ZER1: variants seen among roughly 807,000 people sequenced by gnomAD.
ZER1 encodes the protein protein zer-1 homolog.
Under a neutral mutation model 78.8 loss-of-function variants are expected in ZER1, and 11 were observed. The ratio of observed to expected loss-of-function variants is 0.14; its 90% CI spans 0.09 to 0.23. The LOEUF is 0.23. Ranked by LOEUF, ZER1 falls within the 10% of genes least tolerant of loss-of-function variation. ZER1 has a pLI of 1.00. For missense variants in ZER1, 588 were observed against 996.9 expected, an observed-to-expected ratio of 0.59 and a Z score of 5.52; for synonymous variants, 400 against 407.0, an observed-to-expected ratio of 0.98 and a Z score of 0.21.
At chr9:128,770,468 T>G (rs185266470) in intron 1 of ZER1, among the ~76,000 whole-genome samples, 1 of 152,252 alleles carries the variant, frequency 6.6e-6, no homozygotes, top group East Asian at 1.9e-4. Context: ...ACCTTTGCAT[T>G]TGCTGCGGAA....
chr9:128,759,991 C>T (rs921873882), intron 1 of ZER1, among the ~76,000 whole-genome samples: 1 of 151,752 alleles, frequency 6.6e-6, no homozygotes, highest in Non-Finnish European at 1.5e-5. Flanking sequence ...GCGATCCTCC[C>T]ACCTCAGCCT....
rs373236789 is a variant in ZER1 at position 128,731,294 on chromosome 9, C to T, written c.*43G>A. On this transcript the variant is annotated 3_prime_UTR_variant, in exon 16 of 16. Coordinates refer to ENST00000291900, the MANE Select transcript of ZER1 (RefSeq NM_006336.4). ...GGGCTGCTTGAGCATGCTTCCTCCC[C>T]GCCTGTGGTCCAGAGCGGTGGCGGC... 2.8e-5 allele frequency: 45 copies of T among 1,602,736 alleles called. No homozygotes were observed. The highest frequency in any genetic ancestry group is 3.3e-5 in the South Asian group (3 of 90,098).
At position 128,740,730 on chromosome 9, in the gene ZER1, G is replaced by C; in HGVS notation, c.1853+42C>G. ...AGCAAACGCTAGAGCTCTGAGCATT[G>C]TGGCAGCTAAGGCAAAAAGGGAAAG... is the stretch of plus-strand genomic sequence containing the variant. On this transcript the variant is annotated intron_variant, in intron 12 of 15. Transcript: ENST00000291900. This position sits in a 1 kb window ranked among gnomAD's most constrained non-coding sequence, Gnocchi z 4.4. The C allele has an allele frequency of 1.3e-6, 1 of 777,912 alleles. No individual in the cohort carries two copies. The highest frequency in any genetic ancestry group is 2.4e-6 in the Non-Finnish European group (1 of 416,316). The allele number at this position is 777,912 out of a possible 1,614,324, so 48.2% of individuals were successfully genotyped here. A position where few individuals can be genotyped will look rare whatever the true frequency, so the allele number is the denominator to read the frequency against.
At chr9:128,767,026 T>A (rs1357921908) in intron 1 of ZER1, among the ~76,000 whole-genome samples, 1 of 151,290 alleles carries the variant, frequency 6.6e-6, no homozygotes, top group East Asian at 2.0e-4. Flanking sequence ...CACTGCAGCC[T>A]CTGCCTCCTG....
Position 128,755,794 on chromosome 9 carries a change from CT to C in ZER1, c.-94-136del. The C allele has an allele frequency of 1.7e-6, 1 of 573,380 alleles. No homozygotes were observed. The highest frequency in any genetic ancestry group is 3.1e-6 in the Non-Finnish European group (1 of 327,718). 35.5% of individuals were successfully genotyped at this position (573,380 alleles called of 1,614,324 possible). On this transcript the variant is annotated intron_variant, in intron 1 of 15. Transcript: ENST00000291900. This position sits in a 1 kb window ranked among gnomAD's most constrained non-coding sequence, Gnocchi z 5.6. ...CTTAGCAGGGCCAGGCCCAGGTCTCCTGACTCCTTCTTTCACCCGCCTCTGC... is the reference window on the plus strand; with the variant it reads ...CTTAGCAGGGCCAGGCCCAGGTCTCCGACTCCTTCTTTCACCCGCCTCTGC...
Position 128,732,462 on chromosome 9 carries a change from TG to T in ZER1, c.2243+963del, listed in dbSNP as rs1862862483. On this transcript the variant is annotated intron_variant, in intron 15 of 15. Coordinates refer to ENST00000291900, the MANE Select transcript of ZER1 (RefSeq NM_006336.4). The surrounding 1 kb of genome is among the most constrained non-coding windows in gnomAD (Gnocchi z 4.8). ...TCGGCTCACTGCAACCTCTGCCTCC[TG>T]GATTCAAGTGATTCTCCTGCCTCAG... Among the ~76,000 whole-genome samples the T allele has an allele frequency of 6.6e-6, 1 of 152,228 alleles. No individual in the cohort carries two copies. Among genetic ancestry groups the T allele is most frequent in the Admixed American group, 6.5e-5 (1 of 15,276 alleles).
Position 128,755,475 on chromosome 9 carries a change from T to C in ZER1, c.91A>G (p.Lys31Glu), listed in dbSNP as rs200442490. ...TCCGGATGTAGCCGCAGGGTCTCCT[T>C]GTCCAGCAGGTAGCCCAGGGTGCCA... ...LDGTLGYLLD[K>E]ETLRLHPDIF... Residue 31 changes from lysine to glutamate, a missense_variant, in exon 2 of 16, where the codon AAG (lysine) becomes GAG (glutamate). Around this residue, in one of 3 missense-constraint regions of ZER1, gnomAD observed 406 missense variants for 660.1 expected, o/e 0.62. Transcript: ENST00000291900. This position sits in a 1 kb window ranked among gnomAD's most constrained non-coding sequence, Gnocchi z 5.6. The C allele has an allele frequency of 4.4e-5, 71 of 1,614,012 alleles. No individual in the cohort carries two copies. The highest frequency in any genetic ancestry group is 5.7e-5 in the Non-Finnish European group (67 of 1,179,996).
intron 8 of ZER1, among the ~76,000 whole-genome samples, chr9:128,743,080 C>G (rs1863358137): frequency 6.6e-6 from 1 of 152,098 alleles, no homozygotes; most frequent in African/African-American, 2.4e-5. Flanking sequence ...CTTCGACCCC[C>G]CTAGAGAGAA....
At chr9:128,743,813 C>T (rs1371607227) in intron 8 of ZER1, among the ~76,000 whole-genome samples, 2 of 150,880 alleles carry the variant, frequency 1.3e-5, no homozygotes, top group African/African-American at 4.9e-5. Flanking sequence ...TCACTGCAAC[C>T]TCCCCCTCCC....
intron 1 of ZER1, among the ~76,000 whole-genome samples, chr9:128,764,735 C>G (rs1864153108): frequency 6.6e-6 from 1 of 152,196 alleles, no homozygotes; most frequent in Non-Finnish European, 1.5e-5. Context: ...ACTCTACCTA[C>G]TCCATTCCTT....
Position 128,749,652 on chromosome 9 carries a change from G to C in ZER1, c.1359+964C>G, listed in dbSNP as rs528274330. On this transcript the variant is annotated intron_variant, in intron 8 of 15. Transcript: ENST00000291900. ...TAGGCAGGTGTGGTGGCATGCACCT[G>C]TAGTCCCAGCTACTTGGGAGGCTGA... 2.6e-5 allele frequency among the ~76,000 whole-genome samples: 4 copies of C among 151,982 alleles called. No homozygotes were observed. The East Asian group carries it at 7.8e-4, about 30-fold the overall frequency.
intron 8 of ZER1, among the ~76,000 whole-genome samples, chr9:128,743,933 C>G (rs926040377): frequency 8.8e-6 from 1 of 113,700 alleles, no homozygotes; most frequent in South Asian, 3.1e-4. Flanking sequence ...GAGTCTCACT[C>G]TGTCGCCCAG....
At chr9:128,750,564 G>A in intron 8 of ZER1, 52 bp downstream of exon 8, 2 of 1,596,686 alleles carry the variant, frequency 1.3e-6, no homozygotes, top group Non-Finnish European at 1.7e-6. Context: ...CAAGAAGCAG[G>A]AAAGGGGTGG....
chr9:128,735,213 G>T, intron 14 of ZER1, 121 bp downstream of exon 14: 2 of 900,744 alleles, frequency 2.2e-6, no homozygotes, highest in South Asian at 1.8e-5. Context: ...GGAGGGTTCT[G>T]CTCTGAGGCA....
intron 8 of ZER1, among the ~76,000 whole-genome samples, chr9:128,750,226 T>C (rs932465875): frequency 2.0e-5 from 3 of 152,196 alleles, no homozygotes; most frequent in South Asian, 2.1e-4. Context: ...CTCTGGGTAG[T>C]GGGTTTATGG....
In ZER1 at chr9:128,758,611, T is replaced by C. The variant is rs141887544; in HGVS notation, c.-94-2952A>G. Among the ~76,000 whole-genome samples the C allele has an allele frequency of 2.0e-5, 3 of 152,106 alleles. No homozygotes were observed. In the East Asian group the frequency reaches 5.8e-4, roughly 29 times the overall value. ...TCTTTCTGGTTTCTTTGTTTTTTGT[T>C]TTTTGTTTTGTAGAGACAAGATCTT... On this transcript the variant is annotated intron_variant, in intron 1 of 15. Transcript: ENST00000291900.
intron 13 of ZER1, 114 bp downstream of exon 13, chr9:128,739,817 A>T: frequency 7.6e-7 from 1 of 1,322,932 alleles, no homozygotes; most frequent in Non-Finnish European, 1.0e-6. Flanking sequence ...GCAGAACCCT[A>T]CAGAAGACCA....
chr9:128,757,163 AT>A (rs1863884512), intron 1 of ZER1, among the ~76,000 whole-genome samples: 1 of 152,206 alleles, frequency 6.6e-6, no homozygotes, highest in South Asian at 2.1e-4. Context: ...ATGATTTCAC[AT>A]GAAGAGAAAA....
rs756660072 is a variant in ZER1, at chr9:128,740,061, G to A, written c.1912C>T (p.Leu638Phe). 1 of 1,613,826 alleles carries A rather than the reference G, an allele frequency of 6.2e-7. No homozygotes were observed. The highest frequency in any genetic ancestry group is 8.5e-7 in the Non-Finnish European group (1 of 1,179,764). ...IEVSYNACGV[L>F]SHIMFDGPEA... ...GGTCCATCAAACATGATGTGGGAGAGGACGCCGCAGGCATTGTAGGAAACC... is the reference window on the plus strand; with the variant it reads ...GGTCCATCAAACATGATGTGGGAGAAGACGCCGCAGGCATTGTAGGAAACC... Residue 638 changes from leucine (L) to phenylalanine (F), a missense_variant, in exon 13 of 16, where the codon CTC becomes TTC. This residue lies in a region of ZER1 where 60 missense variants were observed against 163.3 expected (regional missense o/e 0.37). Transcript: ENST00000291900. This position sits in a 1 kb window ranked among gnomAD's most constrained non-coding sequence, Gnocchi z 4.4.
Sources: allele counts gnomAD v4.1 joint callset (sites outside exome capture counted in the v4.1 genomes callset), GRCh38; gene constraint gnomAD v4.1.1; regional missense constraint gnomAD v4.1.1; non-coding constraint Gnocchi (gnomAD v3.1); transcripts MANE v1.5; gene names NCBI Gene and HGNC (gene_info 2026-07-23, HGNC 2026-07-21).